The following DEK variants were observed in gnomAD, a reference collection of about 807,000 sequenced individuals.
The protein encoded by DEK is protein DEK.
Under a neutral mutation model 46.8 loss-of-function variants are expected in DEK, and 28 were observed. The ratio of observed to expected loss-of-function variants is 0.60; its 90% CI spans 0.44 to 0.82. The LOEUF (loss-of-function observed/expected upper bound fraction) is 0.82. Ranked by LOEUF, DEK falls within the 40% of genes least tolerant of loss-of-function variation. DEK has a pLI of 0.00. For synonymous variants in DEK, 160 were observed against 144.5 expected (o/e 1.11, Z -0.77); for missense variants, 416 against 430.6 (o/e 0.97, Z 0.30).
chr6:18,241,944 T>C (rs373123394), intron 7 of DEK, among the ~76,000 whole-genome samples: 1 of 152,334 alleles, frequency 6.6e-6, no homozygotes, highest in African/African-American at 2.4e-5. Context: ...CCTCCAATTA[T>C]CAAGTTTTTA....
chr6:18,258,111 A>ATT, intron 3 of DEK, 49 bp from the exon 4 acceptor site: 1 of 1,324,784 alleles, frequency 7.5e-7, no homozygotes. Flanking sequence ...TTACTAATAC[A>ATT]TTTACAAAGT....
chr6:18,239,345 T>TC (rs1790807966), intron 7 of DEK, among the ~76,000 whole-genome samples: 1 of 141,946 alleles, frequency 7.0e-6, no homozygotes, highest in Admixed American at 7.1e-5. Flanking sequence ...TGTCTTTTTT[T>TC]TTTTTTTTTT....
At position 18,237,423 on chromosome 6, in the gene DEK, C is replaced by T. The variant is rs1272318074; in HGVS notation, c.856G>A (p.Asp286Asn). The change falls in exon 8 of 11, where the codon GAT becomes AAT. Residue 286 changes from aspartate to asparagine, a missense_variant. By Grantham distance (23) the Asp-to-Asn change is conservative. Transcript: ENST00000652689. ...TGATTCTTCTTGGTGGTGCTGCTAT[C>T]TGCTTTCTTAACATTGGCACTTTTC... ...SVKSANVKKA[D>N]SSTTKKNQNS... 1 of 1,609,662 alleles carries T rather than the reference C, an allele frequency of 6.2e-7. No individual in the cohort carries two copies. The highest frequency in any genetic ancestry group is 8.5e-7 in the Non-Finnish European group (1 of 1,179,090).
chr6:18,250,660 TA>T (rs1791337656), intron 6 of DEK, among the ~76,000 whole-genome samples: 3 of 126,456 alleles, frequency 2.4e-5, no homozygotes, highest in South Asian at 5.5e-4. Flanking sequence ...CACGCCCAGC[TA>T]ATTTTTGTAT....
chr6:18,256,466 T>C lies in DEK; in HGVS notation c.358-11A>G, dbSNP rs758829278. The C allele has an allele frequency of 5.5e-5, 88 of 1,603,442 alleles. No individual in the cohort carries two copies. The East Asian group carries it at 1.6e-3, about 29-fold the overall frequency. On this transcript the variant is annotated splice_polypyrimidine_tract_variant and intron_variant, in intron 4 of 10. Transcript: ENST00000652689. ...CTTTAATGAGGACACCTGAAAATGT[T>C]CCTTATTATTAATGGTATTTATTAC...
intron 8 of DEK, 194 bp downstream of exon 8, chr6:18,237,187 A>C (rs1555085): frequency 0.016 from 7,177 of 438,162 alleles, 65 homozygotes; most frequent in East Asian, 0.047. Flanking sequence ...CTCTCTCTCT[A>C]TATATATATA....
In DEK at chr6:18,237,362, A is replaced by C. The variant is rs770680159; in HGVS notation, c.898+19T>G. The C allele has an allele frequency of 3.2e-6, 5 of 1,582,120 alleles. No individual in the cohort carries two copies. The East Asian group carries it at 1.1e-4, about 35-fold the overall frequency. On this transcript the variant is annotated intron_variant, in intron 8 of 10. Transcript: ENST00000652689. ...TGCTATATCTTTAAAGTTGCTGATT[A>C]ATGTTATTTCTAACATACCTTTTTT... is the stretch of plus-strand genomic sequence containing the variant.
chr6:18,248,257 TCA>T (rs1791212356), intron 7 of DEK, among the ~76,000 whole-genome samples: 1 of 152,174 alleles, frequency 6.6e-6, no homozygotes, highest in Non-Finnish European at 1.5e-5. Context: ...AGATTTGAAC[TCA>T]GTTTCCAGAG....
chr6:18,231,663 C>A (rs1168495794), intron 9 of DEK, among the ~76,000 whole-genome samples: 1 of 152,060 alleles, frequency 6.6e-6, no homozygotes, highest in Non-Finnish European at 1.5e-5. Context: ...AAGACTAAAC[C>A]AGGAAGAAGT....
At chr6:18,262,886 A>C (rs992662211) in intron 2 of DEK, among the ~76,000 whole-genome samples, 1 of 152,210 alleles carries the variant, frequency 6.6e-6, no homozygotes, top group Non-Finnish European at 1.5e-5. Flanking sequence ...CAAAAGGCAC[A>C]CCTTGTAATC....
intron 7 of DEK, among the ~76,000 whole-genome samples, chr6:18,248,073 TAATA>T (rs1245706060): frequency 6.6e-6 from 1 of 152,224 alleles, no homozygotes; most frequent in Admixed American, 6.5e-5. Context: ...TAATAGCAAC[TAATA>T]CTTACATACT....
intron 8 of DEK, 90 bp from the exon 9 acceptor site, chr6:18,236,690 C>A (rs1156333529): frequency 5.4e-6 from 5 of 932,236 alleles, no homozygotes; most frequent in Non-Finnish European, 7.4e-6. Flanking sequence ...TCAACAGATT[C>A]TCAAAGGGGT....
intron 9 of DEK, among the ~76,000 whole-genome samples, chr6:18,233,396 C>T (rs1431971286): frequency 1.3e-5 from 2 of 152,082 alleles, no homozygotes; most frequent in African/African-American, 4.8e-5. Context: ...AAAGAAACTA[C>T]CATCAGAGTG....
At chr6:18,254,824 A>C (rs1791535069) in intron 6 of DEK, among the ~76,000 whole-genome samples, 2 of 152,184 alleles carry the variant, frequency 1.3e-5, no homozygotes, top group South Asian at 2.1e-4. Context: ...AAACACCAAA[A>C]ATCATCATAC....
intron 8 of DEK, 85 bp downstream of exon 8, chr6:18,237,296 T>G: frequency 6.9e-7 from 1 of 1,443,556 alleles, no homozygotes; most frequent in Non-Finnish European, 9.1e-7. Flanking sequence ...TTTACCTGTT[T>G]CTCCCACACA....
At chr6:18,261,347 C>T (rs1486708749) in intron 2 of DEK, among the ~76,000 whole-genome samples, 1 of 152,152 alleles carries the variant, frequency 6.6e-6, no homozygotes, top group African/African-American at 2.4e-5. Context: ...CTGAGACGGG[C>T]GGATCACCTG....
chr6:18,239,963 A>AT (rs981895702), intron 7 of DEK, among the ~76,000 whole-genome samples: 1 of 152,246 alleles, frequency 6.6e-6, no homozygotes, highest in African/African-American at 2.4e-5. Flanking sequence ...CAGGTACAAG[A>AT]AAGTAAGTTA....
At chr6:18,229,232 C>T (rs960377321) in intron 9 of DEK, among the ~76,000 whole-genome samples, 8 of 152,284 alleles carry the variant, frequency 5.3e-5, no homozygotes, top group African/African-American at 1.4e-4. Context: ...CCCATCTGTA[C>T]GTCACCATCA....
chr6:18,257,442 T>C (rs759763855), intron 4 of DEK, among the ~76,000 whole-genome samples: 2 of 152,240 alleles, frequency 1.3e-5, no homozygotes, highest in Non-Finnish European at 2.9e-5. Flanking sequence ...CTGGGCATAC[T>C]GGCTCACACC....
Sources: gnomAD v4.1 joint callset for allele counts (sites outside exome capture counted in the v4.1 genomes callset) on GRCh38, gnomAD v4.1.1 for gene constraint, MANE v1.5 for transcripts, NCBI Gene and HGNC (gene_info 2026-07-23, HGNC 2026-07-21) for gene names.